Variants in PLCH1 observed in about 807,000 individuals in gnomAD.
PLCH1 encodes 1-phosphatidylinositol 4,5-bisphosphate phosphodiesterase eta-1.
A neutral mutation model predicts 126.7 loss-of-function variants in PLCH1; 60 were observed. The observed-to-expected ratio is 0.47, with a 90% CI of 0.38 to 0.59. The LOEUF (loss-of-function observed/expected upper bound fraction) is 0.59. Among genes scored for constraint, PLCH1 ranks in the 20% least tolerant of loss-of-function variants. The pLI is 0.00. For missense variants in PLCH1, 1,723 were observed against 2,040.0 expected (o/e 0.84, Z 2.99); for synonymous variants, 719 against 734.9 (o/e 0.98, Z 0.35).
At chr3:155,570,111 T>C (rs1729001298) in intron 6 of PLCH1, among the ~76,000 whole-genome samples, 1 of 152,144 alleles carries the variant, frequency 6.6e-6, no homozygotes, top group Non-Finnish European at 1.5e-5. Context: ...CTTTGCAAAA[T>C]ACAGTAAAAC....
At chr3:155,533,749 C>T (rs1722987184) in intron 10 of PLCH1, among the ~76,000 whole-genome samples, 1 of 152,198 alleles carries the variant, frequency 6.6e-6, no homozygotes, top group African/African-American at 2.4e-5. Context: ...TTTCATGGGC[C>T]AAGCCCAGGG....
intron 2 of PLCH1, among the ~76,000 whole-genome samples, chr3:155,610,372 A>AAAAAAAAT: frequency 6.7e-6 from 1 of 148,344 alleles, no homozygotes; most frequent in Non-Finnish European, 1.5e-5. Context: ...GAGAAAAAAA[A>AAAAAAAAT]AAAAAAAAAA....
chr3:155,670,024 T>C (rs914657292), intron 2 of PLCH1, among the ~76,000 whole-genome samples: 4 of 152,196 alleles, frequency 2.6e-5, no homozygotes, highest in African/African-American at 9.6e-5. Flanking sequence ...ATATCAACCA[T>C]GGTTATGTCC....
chr3:155,475,058 C>A (rs1450206708), downstream of PLCH1, among the ~76,000 whole-genome samples: 1 of 148,156 alleles, frequency 6.7e-6, no homozygotes, highest in Non-Finnish European at 1.5e-5. Flanking sequence ...GCACATGTAC[C>A]CTAAAACTTA....
chr3:155,645,880 T>C (rs917133870), intron 2 of PLCH1, among the ~76,000 whole-genome samples: 37 of 152,174 alleles, frequency 2.4e-4, no homozygotes, highest in African/African-American at 8.7e-4. Flanking sequence ...AATGTTTTCA[T>C]TGTTTTCCAA....
intron 2 of PLCH1, among the ~76,000 whole-genome samples, chr3:155,614,231 T>C (rs1560249111): frequency 6.6e-6 from 1 of 151,970 alleles, no homozygotes; most frequent in Non-Finnish European, 1.5e-5. Context: ...CCAAAAGCAA[T>C]CTACAAGTTC....
chr3:155,708,269 T>C (rs999997355), intron 1 of PLCH1, among the ~76,000 whole-genome samples: 3 of 152,170 alleles, frequency 2.0e-5, no homozygotes, highest in African/African-American at 7.2e-5. Flanking sequence ...GAGGTGGAGA[T>C]AATAAATAGA....
Position 155,482,413 on chromosome 3 carries a change from C to A in PLCH1, c.3613G>T (p.Val1205Phe), listed in dbSNP as rs761684740. Residue 1205 changes from valine to phenylalanine, a missense_variant, in exon 23 of 23, where the codon GTT becomes TTT. This residue lies in a region of PLCH1 where 947 missense variants were observed against 977.1 expected (regional missense o/e 0.97). Transcript: ENST00000460012. ...CTGGTATTATGAAGATGAGAAACAACTGTGAGAGCCTGATTGTTGGTCTCA... is the reference window on the plus strand; with the variant it reads ...CTGGTATTATGAAGATGAGAAACAAATGTGAGAGCCTGATTGTTGGTCTCA... ...FDETNNQALTVVSHLHNTSVM... is the reference protein window; with the variant it reads ...FDETNNQALTFVSHLHNTSVM... The A allele has an allele frequency of 5.0e-6, 8 of 1,614,170 alleles. No individual in the cohort carries two copies. Among genetic ancestry groups the A allele is most frequent in the African/African-American group, 1.3e-5 (1 of 75,032 alleles).
intron 2 of PLCH1, among the ~76,000 whole-genome samples, chr3:155,648,737 A>G (rs1251497405): frequency 1.3e-5 from 2 of 152,244 alleles, no homozygotes; most frequent in African/African-American, 2.4e-5. Flanking sequence ...GTACCATGGT[A>G]AGGCACAGCA....
intron 2 of PLCH1, among the ~76,000 whole-genome samples, chr3:155,667,520 C>A (rs902142171): frequency 4.6e-5 from 7 of 151,758 alleles, no homozygotes; most frequent in African/African-American, 1.7e-4. Context: ...AGAAGTAGCA[C>A]AATAAAATAA....
At chr3:155,602,628 C>T (rs937032893) in intron 2 of PLCH1, among the ~76,000 whole-genome samples, 2 of 152,124 alleles carry the variant, frequency 1.3e-5, no homozygotes, top group Admixed American at 1.3e-4. Flanking sequence ...CAAACCTGTA[C>T]AACATGCTAC....
At chr3:155,518,314 T>C (rs1720625795) in intron 11 of PLCH1, among the ~76,000 whole-genome samples, 1 of 152,216 alleles carries the variant, frequency 6.6e-6, no homozygotes, top group South Asian at 2.1e-4. Flanking sequence ...CTGAACCCTG[T>C]TTAAGGCAAA....
chr3:155,521,204 T>C (rs1478717205), intron 11 of PLCH1, among the ~76,000 whole-genome samples: 1 of 152,172 alleles, frequency 6.6e-6, no homozygotes, highest in Non-Finnish European at 1.5e-5. Context: ...CACACACACT[T>C]TTTTCCTTTA....
At chr3:155,521,173 G>A (rs1721045494) in intron 11 of PLCH1, among the ~76,000 whole-genome samples, 1 of 152,110 alleles carries the variant, frequency 6.6e-6, no homozygotes, top group Non-Finnish European at 1.5e-5. Flanking sequence ...ATGCATAAGT[G>A]TGCACACATG....
Position 155,557,503 on chromosome 3 carries a change from G to A in PLCH1, c.1070-3307C>T, listed in dbSNP as rs367871110. On this transcript the variant is annotated intron_variant, in intron 8 of 22. Transcript: ENST00000460012. ...GAATATTCATAACTGAGGATAGGAG[G>A]TTCTCCTAATGTTCAATTTTTATAT... Among the ~76,000 whole-genome samples the A allele has an allele frequency of 1.4e-4, 22 of 152,274 alleles. No individual in the cohort carries two copies. The East Asian group carries it at 3.7e-3, about 25-fold the overall frequency.
At chr3:155,573,737 G>A (rs1160166040) in intron 6 of PLCH1, among the ~76,000 whole-genome samples, 1 of 152,146 alleles carries the variant, frequency 6.6e-6, no homozygotes, top group African/African-American at 2.4e-5. Context: ...CATTAAACTG[G>A]CACAGATTGA....
At chr3:155,551,593 G>T (rs1292836929) in intron 9 of PLCH1, among the ~76,000 whole-genome samples, 1 of 149,384 alleles carries the variant, frequency 6.7e-6, no homozygotes, top group East Asian at 2.0e-4. Flanking sequence ...GACATTTTTG[G>T]TGGTCACACT....
chr3:155,680,943 A>G (rs1744472758), intron 2 of PLCH1, among the ~76,000 whole-genome samples: 1 of 152,200 alleles, frequency 6.6e-6, no homozygotes, highest in African/African-American at 2.4e-5. Context: ...AAGTGAAAAA[A>G]GGAGGATACA....
intron 2 of PLCH1, among the ~76,000 whole-genome samples, chr3:155,668,084 CA>C (rs756879174): frequency 0.08 from 3,038 of 38,054 alleles, 8 homozygotes; most frequent in Non-Finnish European, 0.11. Flanking sequence ...GACTCCATCT[CA>C]AAAAAAAAAA....
Sources: gnomAD v4.1 joint callset for allele counts (sites outside exome capture counted in the v4.1 genomes callset) on GRCh38, gnomAD v4.1.1 for gene constraint, gnomAD v4.1.1 regional missense constraint, MANE v1.5 for transcripts, NCBI Gene and HGNC (gene_info 2026-07-23, HGNC 2026-07-21) for gene names.